Variants in DSCAML1 observed in about 807,000 individuals in gnomAD.
The protein encoded by DSCAML1 is cell adhesion molecule DSCAML1.
Under a neutral mutation model 200.5 loss-of-function variants are expected in DSCAML1, and 38 were observed. The ratio of observed to expected loss-of-function variants is 0.19; its 90% CI spans 0.15 to 0.25. The LOEUF is 0.25. DSCAML1 is among the 10% of genes least tolerant of loss of function. The pLI is 1.00. For missense variants in DSCAML1, 2,223 were observed against 2,858.8 expected (o/e 0.78, Z 5.07); for synonymous variants, 1,215 against 1,165.0 (o/e 1.04, Z -0.87).
intron 20 of DSCAML1, among the ~76,000 whole-genome samples, chr11:117,449,415 G>A (rs2048241446): frequency 3.3e-5 from 5 of 152,148 alleles, no homozygotes. Flanking sequence ...TAGAACTCTG[G>A]TCTCACTGGC....
chr11:117,775,160 G>T (rs1236671121), intron 3 of DSCAML1, among the ~76,000 whole-genome samples: 1 of 152,122 alleles, frequency 6.6e-6, no homozygotes, highest in Non-Finnish European at 1.5e-5. Context: ...AGGTACCTCT[G>T]CTCCTCACCA....
intron 3 of DSCAML1, among the ~76,000 whole-genome samples, chr11:117,640,687 C>T (rs367885289): frequency 1.3e-5 from 2 of 152,186 alleles, no homozygotes; most frequent in Non-Finnish European, 2.9e-5. Flanking sequence ...TTTTCTTTCA[C>T]GTGGTGCTTG....
In DSCAML1 at chr11:117,463,286, G is replaced by T. The variant is rs184776661; in HGVS notation, c.3265+1656C>A. Among the ~76,000 whole-genome samples the T allele has an allele frequency of 6.6e-6, 1 of 152,114 alleles. No individual in the cohort carries two copies. The highest frequency in any genetic ancestry group is 2.4e-5 in the African/African-American group (1 of 41,466). On this transcript the variant is annotated intron_variant, in intron 17 of 32. Transcript: ENST00000651296. The surrounding 1 kb of genome is among the most constrained non-coding windows in gnomAD (Gnocchi z 4.0). Reference sequence around the variant, plus strand: ...GGCCTCCCTTCATGGATAATTGTGCGACTCTTGGTGCTATGATTCCCAAAG... The same window carrying T: ...GGCCTCCCTTCATGGATAATTGTGCTACTCTTGGTGCTATGATTCCCAAAG...
chr11:117,614,053 G>T (rs758311251), intron 3 of DSCAML1, among the ~76,000 whole-genome samples: 1 of 152,142 alleles, frequency 6.6e-6, no homozygotes, highest in Non-Finnish European at 1.5e-5. Flanking sequence ...TTCCTGGAAA[G>T]GTGGGAGGAA....
chr11:117,647,050 T>C (rs1188486973), intron 3 of DSCAML1, among the ~76,000 whole-genome samples: 1 of 152,206 alleles, frequency 6.6e-6, no homozygotes, highest in Admixed American at 6.5e-5. Context: ...AGCAAAATGA[T>C]GTCCAGAAAG....
rs1555190825 is a variant in DSCAML1 at position 117,617,722 on chromosome 11, A to ACT, written c.512-85202_512-85201dup. ...CACACACACACACACACACACACACACTCTCACTGCAGAGCTCCCTGAAGC... is the reference window on the plus strand; with the variant it reads ...CACACACACACACACACACACACACACTCTCTCACTGCAGAGCTCCCTGAAGC... On this transcript the variant is annotated intron_variant, in intron 3 of 32. Transcript: ENST00000651296. 4.4e-3 allele frequency among the ~76,000 whole-genome samples: 575 copies of ACT among 132,126 alleles called. 2 individuals are homozygous for ACT. Among genetic ancestry groups the ACT allele is most frequent in the Non-Finnish European group, 7.1e-3 (424 of 59,912 alleles). 86.7% of individuals were successfully genotyped at this position (132,126 alleles called of 152,430 possible).
Position 117,498,347 on chromosome 11 carries a change from C to T in DSCAML1, c.2359+5498G>A, listed in dbSNP as rs902055646. 7.2e-5 allele frequency among the ~76,000 whole-genome samples: 11 copies of T among 152,304 alleles called. No homozygotes were observed. Among genetic ancestry groups the T allele is most frequent in the East Asian group, 3.9e-4 (2 of 5,182 alleles). On this transcript the variant is annotated intron_variant, in intron 11 of 32. Transcript: ENST00000651296. This position sits in a 1 kb window ranked among gnomAD's most constrained non-coding sequence, Gnocchi z 4.0. ...CGTCCCTCAGCTCTAGGGGTCACGGCGGTGGCAGGGCCCATCCGTGGGAGG... is the reference window on the plus strand; with the variant it reads ...CGTCCCTCAGCTCTAGGGGTCACGGTGGTGGCAGGGCCCATCCGTGGGAGG...
chr11:117,657,099 GC>G (rs1023831876), intron 3 of DSCAML1, among the ~76,000 whole-genome samples: 5 of 152,156 alleles, frequency 3.3e-5, no homozygotes, highest in Non-Finnish European at 5.9e-5. Context: ...GACAGAGATG[GC>G]ACACTCCCAG....
At chr11:117,769,091 T>C (rs1203550220) in intron 3 of DSCAML1, among the ~76,000 whole-genome samples, 1 of 129,810 alleles carries the variant, frequency 7.7e-6, no homozygotes, top group Non-Finnish European at 1.6e-5. Flanking sequence ...ATATATAATA[T>C]ATATTTTATA....
At chr11:117,500,556 G>GC (rs113854294) in intron 11 of DSCAML1, among the ~76,000 whole-genome samples, 105,080 of 152,092 alleles carry the variant, frequency 0.69, 36,566 homozygotes, top group South Asian at 0.87. Context: ...GGACATTGGG[G>GC]TGACAGAGAT....
At chr11:117,724,660 C>A (rs188712240) in intron 3 of DSCAML1, among the ~76,000 whole-genome samples, 1 of 152,338 alleles carries the variant, frequency 6.6e-6, no homozygotes, top group Admixed American at 6.5e-5. Context: ...ATTCTACAGC[C>A]TCAGTGGAAA....
chr11:117,583,988 A>C (rs970111056), intron 3 of DSCAML1, among the ~76,000 whole-genome samples: 1 of 152,210 alleles, frequency 6.6e-6, no homozygotes, highest in Non-Finnish European at 1.5e-5. Flanking sequence ...ACCCCTGTAC[A>C]CGGCCTGCAG....
chr11:117,438,677 G>A (rs1025183094), intron 24 of DSCAML1, among the ~76,000 whole-genome samples: 1 of 152,228 alleles, frequency 6.6e-6, no homozygotes, highest in African/African-American at 2.4e-5. Flanking sequence ...CAGCTCACAA[G>A]TGGCATTGGA....
At chr11:117,530,008 T>G (rs1247813629) in intron 4 of DSCAML1, among the ~76,000 whole-genome samples, 6 of 151,938 alleles carry the variant, frequency 3.9e-5, no homozygotes, top group African/African-American at 1.5e-4. Flanking sequence ...GTCGCTCGCT[T>G]CCTTTGTCTC....
intron 3 of DSCAML1, among the ~76,000 whole-genome samples, chr11:117,652,811 G>C (rs1332558435): frequency 6.6e-6 from 1 of 152,192 alleles, no homozygotes; most frequent in African/African-American, 2.4e-5. Flanking sequence ...CCCCATAAAA[G>C]GCATTCCCTG....
intron 3 of DSCAML1, among the ~76,000 whole-genome samples, chr11:117,549,882 C>T (rs2050439406): frequency 6.6e-6 from 1 of 152,176 alleles, no homozygotes; most frequent in Non-Finnish European, 1.5e-5. Context: ...AGCCAGGGAG[C>T]TTATCAGTAA....
At chr11:117,545,161 T>G (rs1315979472) in intron 3 of DSCAML1, among the ~76,000 whole-genome samples, 2 of 148,748 alleles carry the variant, frequency 1.3e-5, no homozygotes, top group East Asian at 2.0e-4. Flanking sequence ...ACCCAGGAGG[T>G]GGAGGTTGTG....
At chr11:117,766,633 G>A (rs567206126) in intron 3 of DSCAML1, among the ~76,000 whole-genome samples, 2 of 152,304 alleles carry the variant, frequency 1.3e-5, no homozygotes, top group Admixed American at 6.5e-5. Flanking sequence ...TGTGTCCACC[G>A]CCAGGGTGTG....
intron 8 of DSCAML1, among the ~76,000 whole-genome samples, chr11:117,510,534 C>G (rs2049598190): frequency 6.6e-6 from 1 of 152,102 alleles, no homozygotes; most frequent in South Asian, 2.1e-4. Flanking sequence ...GAAGCCCATC[C>G]CAGATCGCCT....
Sources: allele counts gnomAD v4.1 joint callset (sites outside exome capture counted in the v4.1 genomes callset), GRCh38; gene constraint gnomAD v4.1.1; non-coding constraint Gnocchi (gnomAD v3.1); transcripts MANE v1.5; gene names NCBI Gene and HGNC (gene_info 2026-07-23, HGNC 2026-07-21).